Variants in DMD observed in about 807,000 individuals in gnomAD.
The protein encoded by DMD is mutant dystrophin.
Under a neutral mutation model 330.1 loss-of-function variants are expected in DMD, and 63 were observed. The ratio of observed to expected loss-of-function variants is 0.19; its 90% confidence interval spans 0.16 to 0.24. The LOEUF is 0.24. DMD is among the 10% of genes least tolerant of loss of function. DMD has a pLI of 1.00. For missense variants in DMD, 3,344 were observed against 2,684.1 expected (o/e 1.25, Z -5.43); for synonymous variants, 1,223 against 959.8 (o/e 1.27, Z -5.07).
At chrX:32,419,686 C>A (rs181262982) in intron 29 of DMD, among the ~76,000 whole-genome samples, 129 of 112,221 alleles carry the variant, frequency 1.1e-3, no homozygotes, top group African/African-American at 4.0e-3. Context: ...CTATAATTTT[C>A]TTTACCAGGA....
intron 2 of DMD, among the ~76,000 whole-genome samples, chrX:32,869,637 G>T (rs1330417044): frequency 9.2e-6 from 1 of 108,634 alleles, no homozygotes; most frequent in Admixed American, 1.0e-4. Context: ...CCAAGCAGAA[G>T]AATGAATTTC....
chrX:31,726,127 T>G (rs1212951852), intron 52 of DMD, among the ~76,000 whole-genome samples: 8 of 112,297 alleles, frequency 7.1e-5, no homozygotes, highest in Admixed American at 6.6e-4. Context: ...TTGATCTGAT[T>G]TAGACAAAAT....
chrX:31,721,718 C>CTATATATATA (rs1226368643), intron 52 of DMD, among the ~76,000 whole-genome samples: 3 of 56,483 alleles, frequency 5.3e-5, no homozygotes, highest in African/African-American at 6.0e-5. Context: ...CTCTCTCTCT[C>CTATATATATA]TATATATATA....
intron 1 of DMD, among the ~76,000 whole-genome samples, chrX:33,089,213 GCA>G (rs2095052275): frequency 9.2e-6 from 1 of 108,741 alleles, no homozygotes; most frequent in Non-Finnish European, 1.9e-5. Context: ...CTACAGGCAC[GCA>G]CCACCACACC....
At chrX:32,776,999 G>C (rs2074214138) in intron 7 of DMD, among the ~76,000 whole-genome samples, 1 of 109,266 alleles carries the variant, frequency 9.2e-6, no homozygotes, top group South Asian at 3.9e-4. Flanking sequence ...AGCTAAATGG[G>C]TCATAAAAAA....
chrX:32,867,502 C>A (rs2082609002), intron 2 of DMD, among the ~76,000 whole-genome samples: 1 of 111,879 alleles, frequency 8.9e-6, no homozygotes, highest in Non-Finnish European at 1.9e-5. Flanking sequence ...CCTGACATTT[C>A]AATAGGAAAA....
intron 61 of DMD, among the ~76,000 whole-genome samples, chrX:31,336,216 G>T (rs1261568389): frequency 8.9e-6 from 1 of 112,430 alleles, no homozygotes; most frequent in Non-Finnish European, 1.9e-5. Flanking sequence ...ACCACAAATT[G>T]TGCAGGCATT....
intron 12 of DMD, among the ~76,000 whole-genome samples, chrX:32,599,165 A>G: frequency 8.9e-6 from 1 of 112,228 alleles, no homozygotes; most frequent in East Asian, 2.8e-4. Context: ...ATTTTCTCAG[A>G]CTTCAAATGC....
At chrX:32,224,248 G>T (rs1325547956) in intron 43 of DMD, among the ~76,000 whole-genome samples, 1 of 110,953 alleles carries the variant, frequency 9.0e-6, no homozygotes, top group Admixed American at 9.6e-5. Context: ...TTCATGATTA[G>T]TGCTTCATCA....
chrX:32,617,425 T>C (rs2057669445), intron 11 of DMD, among the ~76,000 whole-genome samples: 1 of 111,504 alleles, frequency 9.0e-6, no homozygotes, highest in Admixed American at 9.6e-5. Flanking sequence ...TGCATTCAAC[T>C]GATTTTGGAC....
At chrX:33,178,337 A>T (rs2049787562) in intron 1 of DMD, among the ~76,000 whole-genome samples, 1 of 111,874 alleles carries the variant, frequency 8.9e-6, no homozygotes, top group African/African-American at 3.3e-5. Flanking sequence ...TTGCACAGAA[A>T]GATGGAAGGT....
At chrX:32,450,963 T>G (rs1393098451) in intron 26 of DMD, among the ~76,000 whole-genome samples, 1 of 111,072 alleles carries the variant, frequency 9.0e-6, no homozygotes, top group Non-Finnish European at 1.9e-5. Context: ...GATGAATTTC[T>G]CTACTAGGAG....
chrX:31,530,526 A>G (rs1288314393), intron 55 of DMD, among the ~76,000 whole-genome samples: 2 of 110,291 alleles, frequency 1.8e-5, no homozygotes, highest in Admixed American at 2.0e-4. Context: ...GATTGGATAC[A>G]TTAATACATT....
intron 43 of DMD, among the ~76,000 whole-genome samples, chrX:32,281,827 T>G (rs2097421850): frequency 8.9e-6 from 1 of 111,809 alleles, no homozygotes; most frequent in Non-Finnish European, 1.9e-5. Context: ...TAGAGGTTTC[T>G]TTTTTTGCTA....
At chrX:31,966,507 TA>T (rs957323369) in intron 45 of DMD, among the ~76,000 whole-genome samples, 183 of 106,098 alleles carry the variant, frequency 1.7e-3, no homozygotes, top group African/African-American at 4.8e-3. Context: ...AAGCTCAGCT[TA>T]AAAAAAAAAC....
intron 23 of DMD, among the ~76,000 whole-genome samples, chrX:32,468,118 T>A (rs1176323990): frequency 9.1e-6 from 1 of 110,361 alleles, no homozygotes; most frequent in East Asian, 2.8e-4. Context: ...ATAAAATGAT[T>A]ACAATATACC....
chrX:32,723,763 G>A (rs1253239975), intron 7 of DMD, among the ~76,000 whole-genome samples: 1 of 110,420 alleles, frequency 9.1e-6, no homozygotes, highest in Non-Finnish European at 1.9e-5. Context: ...GTAACATCTT[G>A]TACCCCTTAA....
At chrX:31,527,146 C>G (rs957023368) in intron 55 of DMD, among the ~76,000 whole-genome samples, 2 of 111,364 alleles carry the variant, frequency 1.8e-5, no homozygotes, top group Non-Finnish European at 3.8e-5. Flanking sequence ...TTAAACCAAA[C>G]CAATCTGAAT....
At chrX:31,172,969 T>C (rs1307087162) in intron 72 of DMD, among the ~76,000 whole-genome samples, 2 of 111,862 alleles carry the variant, frequency 1.8e-5, no homozygotes, top group Non-Finnish European at 3.8e-5. Context: ...TTTGTTTGTT[T>C]TTTTACAACT....
Sources: gnomAD v4.1 joint callset for allele counts (sites outside exome capture counted in the v4.1 genomes callset) on GRCh38, gnomAD v4.1.1 for gene constraint, MANE v1.5 for transcripts, NCBI Gene and HGNC (gene_info 2026-07-23, HGNC 2026-07-21) for gene names.